Variants in ACSL5 observed in about 807,000 individuals in gnomAD.
The protein encoded by ACSL5 is long-chain-fatty-acid--CoA ligase 5.
A neutral mutation model predicts 84.9 loss-of-function variants in ACSL5; 50 were observed. That is an observed-to-expected ratio of 0.59 (90% CI 0.47 to 0.75). The LOEUF (loss-of-function observed/expected upper bound fraction) is 0.75, where lower values mean the gene tolerates loss of function less well. Among genes scored for constraint, ACSL5 ranks in the 30% least tolerant of loss-of-function variants. The pLI is 0.00. For missense variants in ACSL5, 775 were observed against 830.4 expected (o/e 0.93, Z 0.82); for synonymous variants, 280 against 300.7 (o/e 0.93, Z 0.71).
chr10:112,412,335 G>C (rs1844197286), intron 11 of ACSL5: 1 of 215,454 alleles, frequency 4.6e-6, no homozygotes, highest in African/African-American at 2.3e-5. Flanking sequence ...TTTTTGAAAA[G>C]ATCTAGGATT....
intron 3 of ACSL5, among the ~76,000 whole-genome samples, chr10:112,401,860 CTTTCTTTCTT>C (rs1419468001): frequency 2.4e-4 from 31 of 130,416 alleles, no homozygotes; most frequent in Admixed American, 4.7e-4. Context: ...TCCTTCCTTT[CTTTCTTTCTT>C]TTTCTTTCTT....
intron 1 of ACSL5, among the ~76,000 whole-genome samples, chr10:112,384,034 A>T (rs1349251589): frequency 6.6e-6 from 1 of 151,940 alleles, no homozygotes; most frequent in Non-Finnish European, 1.5e-5. Context: ...TCTCTACTAA[A>T]AATACAAAAA....
intron 10 of ACSL5, among the ~76,000 whole-genome samples, 163 bp from the exon 11 acceptor site, chr10:112,411,739 T>C (rs1477157632): frequency 6.6e-6 from 1 of 152,098 alleles, no homozygotes; most frequent in Non-Finnish European, 1.5e-5. Flanking sequence ...TCACTGCAAA[T>C]TTCTACACTA....
chr10:112,407,709 T>C (rs1008391323), intron 5 of ACSL5, among the ~76,000 whole-genome samples: 1 of 152,158 alleles, frequency 6.6e-6, no homozygotes, highest in Non-Finnish European at 1.5e-5. Context: ...GTTCATTCAC[T>C]TCCTTCTTTT....
At chr10:112,409,226 T>A in intron 6 of ACSL5, 1 of 367,294 alleles carries the variant, frequency 2.7e-6, no homozygotes, top group East Asian at 4.7e-5. Context: ...GTAACCTGTT[T>A]AGGTTATCTG....
At chr10:112,415,407 G>T (rs1049905829) in intron 12 of ACSL5, among the ~76,000 whole-genome samples, 3 of 152,262 alleles carry the variant, frequency 2.0e-5, no homozygotes, top group Admixed American at 2.0e-4. Context: ...CACCGTGTTA[G>T]CCAGGATGGT....
chr10:112,399,103 T>C, intron 3 of ACSL5, 94 bp downstream of exon 3: 1 of 1,009,024 alleles, frequency 9.9e-7, no homozygotes, highest in Non-Finnish European at 1.5e-6. Flanking sequence ...CCCCAGCTAT[T>C]TAGATGCAGT....
At chr10:112,394,627 C>A in intron 1 of ACSL5, 1 of 662,776 alleles carries the variant, frequency 1.5e-6, no homozygotes, top group Non-Finnish European at 1.9e-6. Flanking sequence ...GCAGTCATTT[C>A]TCAAAATTGT....
Position 112,416,923 on chromosome 10 carries a change from C to G in ACSL5, c.1119C>G (p.Phe373Leu). The change falls in exon 13 of 21, where the codon TTC becomes TTG. Residue 373 changes from phenylalanine to leucine, a missense_variant. By Grantham distance (22) the Phe-to-Leu change is conservative. Transcript: ENST00000354655. ...AGGCCAAGACACCCTTGAAGAAGTT[C>G]TTGTTGAAGCTGGCTGTTTCCAGTA... is the stretch of plus-strand genomic sequence containing the variant. ...QNEAKTPLKK[F>L]LLKLAVSSKF... is the part of the protein sequence containing the mutation. The G allele has an allele frequency of 6.2e-7, 1 of 1,614,084 alleles. No individual in the cohort carries two copies. Among genetic ancestry groups the G allele is most frequent in the Non-Finnish European group, 8.5e-7 (1 of 1,179,978 alleles).
At chr10:112,425,513 A>G (rs759157376) in intron 18 of ACSL5, 32 bp downstream of exon 18, 2 of 1,548,592 alleles carry the variant, frequency 1.3e-6, no homozygotes, top group Non-Finnish European at 1.7e-6. Flanking sequence ...AGCCCATTTC[A>G]GTCACAAACC....
chr10:112,400,406 CTTTTTTT>C (rs573644087), intron 3 of ACSL5, among the ~76,000 whole-genome samples: 103 of 98,862 alleles, frequency 1.0e-3, no homozygotes, highest in Admixed American at 2.1e-3. Context: ...TTTTTCTTTT[CTTTTTTT>C]TTTTTTTTTT....
At chr10:112,418,078 C>T (rs1490316901) in intron 14 of ACSL5, 137 bp downstream of exon 14, 1 of 679,252 alleles carries the variant, frequency 1.5e-6, no homozygotes, top group African/African-American at 1.8e-5. Context: ...AGAAAATATC[C>T]TTCTAACCAT....
Position 112,413,224 on chromosome 10 carries a change from C to G in ACSL5, c.1000C>G (p.Arg334Gly). The change falls in exon 12 of 21, where the codon CGG (arginine) becomes GGG (glycine). Residue 334 changes from arginine (R) to glycine (G), a missense_variant. Physicochemically the swap from Arg to Gly is moderately radical, Grantham distance 125. Transcript: ENST00000354655. ...ARVGFFQGDI[R>G]LLADDMKTLK... ...AGTTGGATTCTTCCAAGGGGATATT[C>G]GGTTGCTGGCTGACGACATGAAGAC... 1 of 1,614,152 alleles carries G rather than the reference C, an allele frequency of 6.2e-7. No homozygotes were observed. Among genetic ancestry groups the G allele is most frequent in the Non-Finnish European group, 8.5e-7 (1 of 1,180,020 alleles).
rs1844357279 is a variant in ACSL5, at chr10:112,417,930, A to G, written c.1303A>G (p.Met435Val). 3 of 1,607,260 alleles carry G rather than the reference A, an allele frequency of 1.9e-6. No individual in the cohort carries two copies. The highest frequency in any genetic ancestry group is 1.7e-6 in the Non-Finnish European group (2 of 1,176,682). Residue 435 changes from methionine to valine, a missense_variant, in exon 14 of 21, where the codon ATG becomes GTG. Physicochemically the swap from Met to Val is conservative, Grantham distance 21. Coordinates refer to ENST00000354655, the MANE Select transcript of ACSL5 (RefSeq NM_203379.2). ...TSVMTFFRAAMGCQVYEAYGQ... is the reference protein window; with the variant it reads ...TSVMTFFRAAVGCQVYEAYGQ... Reference sequence around the variant, plus strand: ...AGTCATGACATTCTTCCGGGCAGCAATGGGATGTCAGGTAAGCCAAGCACC... The same window carrying G: ...AGTCATGACATTCTTCCGGGCAGCAGTGGGATGTCAGGTAAGCCAAGCACC...
intron 17 of ACSL5, 88 bp downstream of exon 17, chr10:112,422,529 T>A (rs747022463): frequency 2.9e-5 from 38 of 1,290,376 alleles, no homozygotes; most frequent in Non-Finnish European, 4.1e-5. Context: ...GAAATGCAAG[T>A]AGGTTAATCA....
chr10:112,411,717 G>GGTCTTTT (rs1362312055), intron 10 of ACSL5, among the ~76,000 whole-genome samples, 185 bp from the exon 11 acceptor site: 1 of 151,932 alleles, frequency 6.6e-6, no homozygotes, highest in East Asian at 1.9e-4. Context: ...TTCAAGCGTT[G>GGTCTTTT]GTCTTTTAGG....
Position 112,426,351 on chromosome 10 carries a change from C to G in ACSL5, c.1831C>G (p.Gln611Glu). ...GAAGGGCTCCTTTGAGGAACTGTGC[C>G]AAAACCAAGTAAGTCTTGCCTAGGA... ...GVKGSFEELC[Q>E]NQVVREAILE... The change falls in exon 19 of 21, where the codon CAA (glutamine) becomes GAA (glutamate). Residue 611 changes from glutamine to glutamate, a missense_variant. By Grantham distance (29) the Gln-to-Glu change is conservative. Coordinates refer to ENST00000354655, the MANE Select transcript of ACSL5 (RefSeq NM_203379.2). 6.2e-7 allele frequency: 1 copy of G among 1,613,844 alleles called. No individual in the cohort carries two copies. The highest frequency in any genetic ancestry group is 8.5e-7 in the Non-Finnish European group (1 of 1,179,858).
chr10:112,388,971 A>G lies in ACSL5; in HGVS notation c.-29-5947A>G, dbSNP rs377193261. On this transcript the variant is annotated intron_variant, in intron 1 of 20. Coordinates refer to ENST00000354655, the MANE Select transcript of ACSL5 (RefSeq NM_203379.2). Reference sequence around the variant, plus strand: ...TGGGATATATACATAGGAAAAATACAATCTTTTAAAAGATAGAGACTATCA... The same window carrying G: ...TGGGATATATACATAGGAAAAATACGATCTTTTAAAAGATAGAGACTATCA... 1.1e-4 allele frequency among the ~76,000 whole-genome samples: 16 copies of G among 152,214 alleles called. No individual in the cohort carries two copies. In the South Asian group the frequency reaches 3.1e-3, roughly 30 times the overall value.
chr10:112,384,503 T>C (rs1373881617), intron 1 of ACSL5, among the ~76,000 whole-genome samples: 1 of 152,066 alleles, frequency 6.6e-6, no homozygotes, highest in Non-Finnish European at 1.5e-5. Context: ...TTTTGTTTTG[T>C]TTTGTTTTGT....
Sources: gnomAD v4.1 joint callset for allele counts (sites outside exome capture counted in the v4.1 genomes callset) on GRCh38, gnomAD v4.1.1 for gene constraint, MANE v1.5 for transcripts, NCBI Gene and HGNC (gene_info 2026-07-23, HGNC 2026-07-21) for gene names.